The following SPRY3 variants were observed in gnomAD, a reference collection of about 807,000 sequenced individuals.
SPRY3 encodes the protein protein sprouty homolog 3.
In SPRY3, 15 loss-of-function variants were observed where a neutral mutation model predicts 20.2. The observed-to-expected ratio is 0.74, with a 90% CI of 0.50 to 1.14. SPRY3 has a LOEUF of 1.14. SPRY3 is among the 50% of genes most tolerant of loss of function. The probability of loss-of-function intolerance (pLI) is 0.00; values close to 1 mark genes in which losing one functional copy is unlikely to be tolerated. For missense variants in SPRY3, 364 were observed against 363.9 expected (o/e 1.00, Z 0.00); for synonymous variants, 143 against 136.5 (o/e 1.05, Z -0.33).
At chrX:155,697,364 G>T (rs1055917737) in intron 2 of SPRY3, among the ~76,000 whole-genome samples, 2 of 109,603 alleles carry the variant, frequency 1.8e-5, no homozygotes, top group African/African-American at 6.7e-5. Context: ...CTTTCTCCTG[G>T]TTCTCAGTCC....
intron 2 of SPRY3, among the ~76,000 whole-genome samples, chrX:155,679,299 G>A (rs1348388724): frequency 9.0e-6 from 1 of 111,626 alleles, no homozygotes. Flanking sequence ...CAAAATATCT[G>A]AGGCTAGGTA....
At chrX:155,672,764 A>G (rs1263583932) in intron 2 of SPRY3, among the ~76,000 whole-genome samples, 2 of 104,549 alleles carry the variant, frequency 1.9e-5, no homozygotes, top group Non-Finnish European at 3.9e-5. Flanking sequence ...ACACATGCAC[A>G]CGTATGTTTA....
At chrX:155,762,995 A>G (rs187576965) in intron 2 of SPRY3, among the ~76,000 whole-genome samples, 1 of 152,308 alleles carries the variant, frequency 6.6e-6, no homozygotes, top group African/African-American at 2.4e-5. Context: ...GGATTGGATA[A>G]AGAAAATATG....
At chrX:155,766,422 C>G (rs1893313319) in intron 2 of SPRY3, among the ~76,000 whole-genome samples, 2 of 152,092 alleles carry the variant, frequency 1.3e-5, no homozygotes, top group Admixed American at 6.6e-5. Context: ...CACAAGGAGT[C>G]AGAATAAGAT....
intron 2 of SPRY3, among the ~76,000 whole-genome samples, chrX:155,747,472 T>C (rs2091233454): frequency 6.6e-6 from 1 of 152,004 alleles, no homozygotes; most frequent in African/African-American, 2.4e-5. Context: ...AAATATAGCA[T>C]ATTTTAACAG....
intron 2 of SPRY3, among the ~76,000 whole-genome samples, chrX:155,682,759 C>T (rs887276580): frequency 2.7e-5 from 3 of 112,073 alleles, no homozygotes; most frequent in Non-Finnish European, 5.6e-5. Flanking sequence ...TTTAATGCTA[C>T]CGCTGCTATA....
At chrX:155,780,735 T>G (rs2091458326), downstream of SPRY3, 1 of 166,918 alleles carries the variant, frequency 6.0e-6, no homozygotes, top group Admixed American at 6.6e-5. Context: ...CGTGAATTTT[T>G]TTCTTAATGG....
At chrX:155,719,604 G>A (rs1267494784) in intron 2 of SPRY3, among the ~76,000 whole-genome samples, 2 of 152,020 alleles carry the variant, frequency 1.3e-5, no homozygotes, top group Non-Finnish European at 2.9e-5. Flanking sequence ...ATAGTGGGGA[G>A]GACTTTGTCT....
downstream of SPRY3, chrX:155,777,617 T>C (rs1353106237): frequency 6.5e-5 from 1 of 15,330 alleles, no homozygotes; most frequent in African/African-American, 3.4e-3. Context: ...TGAGTGTGCG[T>C]ATGTATCCCT....
intron 2 of SPRY3, among the ~76,000 whole-genome samples, chrX:155,742,457 A>G (rs1377620512): frequency 6.6e-6 from 1 of 152,210 alleles, no homozygotes; most frequent in Non-Finnish European, 1.5e-5. Context: ...TAAGAAAGAT[A>G]TACAGGACCT....
At chrX:155,774,418 G>A (rs761097891) in exon 4 of SPRY3, 30 of 1,613,888 alleles carry the variant, frequency 1.9e-5, no homozygotes, top group African/African-American at 4.0e-5. Flanking sequence ...GAGCCTCCTC[G>A]ATTATGGCAC....
chrX:155,773,586 A>T (rs1316852139), intron 3 of SPRY3, among the ~76,000 whole-genome samples, 180 bp from the exon 3 acceptor site: 9 of 151,984 alleles, frequency 5.9e-5, no homozygotes, highest in Non-Finnish European at 1.3e-4. Context: ...TCTGGAGGGG[A>T]TGATGAGATT....
intron 2 of SPRY3, among the ~76,000 whole-genome samples, chrX:155,755,411 G>A (rs1422895034): frequency 6.6e-6 from 1 of 152,024 alleles, no homozygotes; most frequent in Non-Finnish European, 1.5e-5. Flanking sequence ...GAGAAGTAGT[G>A]TGGCATGGGA....
chrX:155,737,675 G>C (rs2091177881), intron 2 of SPRY3, among the ~76,000 whole-genome samples: 1 of 152,134 alleles, frequency 6.6e-6, no homozygotes, highest in South Asian at 2.1e-4. Context: ...AGTTCACTGT[G>C]GCTGGATTGT....
chrX:155,755,480 T>C (rs1303390427), intron 2 of SPRY3, among the ~76,000 whole-genome samples: 1 of 152,014 alleles, frequency 6.6e-6, no homozygotes, highest in Non-Finnish European at 1.5e-5. Context: ...TTATGCTATA[T>C]ATTTGCTGTT....
At chrX:155,699,710 T>C (rs1172995123) in intron 2 of SPRY3, among the ~76,000 whole-genome samples, 1 of 110,924 alleles carries the variant, frequency 9.0e-6, no homozygotes, top group Non-Finnish European at 1.9e-5. Context: ...GCTTTACTTC[T>C]GAGAAAGGAG....
rs1423852477 is a variant in SPRY3 at position 155,658,031 on chromosome X, C to G, written c.-282+1006C>G. ...CATTGGTCTCACTGGGAGCTGCAGACTGGAGCTGTTCCTATTTGGCCTTCT... is the reference window on the plus strand; with the variant it reads ...CATTGGTCTCACTGGGAGCTGCAGAGTGGAGCTGTTCCTATTTGGCCTTCT... On this transcript the variant is annotated intron_variant, in intron 2 of 3. Coordinates refer to ENST00000675360, the Ensembl canonical transcript of SPRY3. Among the ~76,000 whole-genome samples the G allele has an allele frequency of 3.6e-5, 4 of 112,131 alleles. No homozygotes were observed. In the East Asian group the frequency reaches 1.1e-3, roughly 31 times the overall value.
intron 2 of SPRY3, among the ~76,000 whole-genome samples, chrX:155,704,132 A>G (rs1483806743): frequency 6.6e-6 from 1 of 151,908 alleles, no homozygotes; most frequent in Non-Finnish European, 1.5e-5. Context: ...AAAAGGCAAA[A>G]AAAAGAATCA....
At chrX:155,687,063 C>A (rs1402241436) in intron 2 of SPRY3, among the ~76,000 whole-genome samples, 1 of 112,698 alleles carries the variant, frequency 8.9e-6, no homozygotes, top group Non-Finnish European at 1.9e-5. Context: ...AATATATCTG[C>A]TATTTACTTT....
Sources: allele counts gnomAD v4.1 joint callset (sites outside exome capture counted in the v4.1 genomes callset), GRCh38; gene constraint gnomAD v4.1.1; transcripts MANE v1.5; gene names NCBI Gene and HGNC (gene_info 2026-07-23, HGNC 2026-07-21).